BRIP1: variants seen among roughly 807,000 people sequenced by gnomAD.
BRIP1 encodes the protein Fanconi anemia group J protein.
A neutral mutation model predicts 119.7 loss-of-function variants in BRIP1; 88 were observed. That is an observed-to-expected ratio of 0.74 (90% CI 0.62 to 0.88). The LOEUF (loss-of-function observed/expected upper bound fraction) is 0.88, where lower values mean the gene tolerates loss of function less well. Among genes scored for constraint, BRIP1 ranks in the 40% least tolerant of loss-of-function variants. BRIP1 has a pLI of 0.00. For missense variants in BRIP1, 1,259 were observed against 1,455.4 expected (o/e 0.87, Z 2.20); for synonymous variants, 443 against 496.5 (o/e 0.89, Z 1.43).
At chr17:61,764,681 T>C (rs1231399636) in intron 14 of BRIP1, among the ~76,000 whole-genome samples, 2 of 152,170 alleles carry the variant, frequency 1.3e-5, no homozygotes, top group Non-Finnish European at 2.9e-5. Flanking sequence ...AGCTCAAAAA[T>C]TGCTTTAATA....
Position 61,745,216 on chromosome 17 carries a change from A to G in BRIP1, c.2098-625T>C, listed in dbSNP as rs1017928374. Reference sequence around the variant, plus strand: ...ATATGGGCACAAATGGAACATTTACAGCCATGGGCTAGATTACAAAAGGAC... The same window carrying G: ...ATATGGGCACAAATGGAACATTTACGGCCATGGGCTAGATTACAAAAGGAC... On this transcript the variant is annotated intron_variant, in intron 14 of 19. Transcript: ENST00000259008. The surrounding 1 kb of genome is among the most constrained non-coding windows in gnomAD (Gnocchi z 4.4). 6.6e-6 allele frequency among the ~76,000 whole-genome samples: 1 copy of G among 152,246 alleles called. No homozygotes were observed. The highest frequency in any genetic ancestry group is 2.4e-5 in the African/African-American group (1 of 41,452).
rs756747803 is a variant in BRIP1 at position 61,825,557 on chromosome 17, C to A, written c.628-16800G>T. On this transcript the variant is annotated intron_variant, in intron 6 of 19. Coordinates refer to ENST00000259008, the MANE Select transcript of BRIP1 (RefSeq NM_032043.3). The surrounding 1 kb of genome is among the most constrained non-coding windows in gnomAD (Gnocchi z 4.1). Reference sequence around the variant, plus strand: ...TCAATATGCAAAATTTACTGACATTCCAATTCACCATCAACTGTCAAGCTG... The same window carrying A: ...TCAATATGCAAAATTTACTGACATTACAATTCACCATCAACTGTCAAGCTG... Among the ~76,000 whole-genome samples, 25 of 151,578 alleles carry A rather than the reference C, an allele frequency of 1.6e-4. No individual in the cohort carries two copies. Among genetic ancestry groups the A allele is most frequent in the Non-Finnish European group, 3.4e-4 (23 of 67,912 alleles).
intron 14 of BRIP1, among the ~76,000 whole-genome samples, chr17:61,763,325 T>G (rs1399721564): frequency 1.3e-5 from 2 of 152,098 alleles, no homozygotes; most frequent in Non-Finnish European, 2.9e-5. Flanking sequence ...GTTGTGCATG[T>G]GTCGGGTAAA....
chr17:61,853,693 T>C lies in BRIP1; in HGVS notation c.379+3365A>G, dbSNP rs2078855280. On this transcript the variant is annotated intron_variant, in intron 4 of 19. Coordinates refer to ENST00000259008, the MANE Select transcript of BRIP1 (RefSeq NM_032043.3). The surrounding 1 kb of genome is among the most constrained non-coding windows in gnomAD (Gnocchi z 4.3). ...GGTGCTGAACAACTGGATATCCACA[T>C]GCAAAAAAATGAACTTGAATCCATA... 6.6e-6 allele frequency among the ~76,000 whole-genome samples: 1 copy of C among 152,060 alleles called. No individual in the cohort carries two copies. Among genetic ancestry groups the C allele is most frequent in the South Asian group, 2.1e-4 (1 of 4,832 alleles).
rs547982492 is a variant in BRIP1, at chr17:61,825,060, C to A, written c.628-16303G>T. Reference sequence around the variant, plus strand: ...CAACACTTTGGGAGGCTGAGGCAGGCGGATCGCAAGGTCAGGAGATCGAGA... The same window carrying A: ...CAACACTTTGGGAGGCTGAGGCAGGAGGATCGCAAGGTCAGGAGATCGAGA... On this transcript the variant is annotated intron_variant, in intron 6 of 19. Coordinates refer to ENST00000259008, the MANE Select transcript of BRIP1 (RefSeq NM_032043.3). This position sits in a 1 kb window ranked among gnomAD's most constrained non-coding sequence, Gnocchi z 4.1. 6.6e-6 allele frequency among the ~76,000 whole-genome samples: 1 copy of A among 151,912 alleles called. No individual in the cohort carries two copies.
intron 10 of BRIP1, among the ~76,000 whole-genome samples, chr17:61,787,380 A>G (rs1382171686): frequency 2.6e-5 from 2 of 77,288 alleles, no homozygotes; most frequent in Non-Finnish European, 5.0e-5. Context: ...ATAGTTATAT[A>G]CTATATATAG....
rs1427946401 is a variant in BRIP1 at position 61,704,373 on chromosome 17, T to C, written c.2493-10861A>G. Reference sequence around the variant, plus strand: ...AAATTTGTGTTATTTCTTCTTTAAATGTTTGGTAATATTTGCTAGTGAACA... The same window carrying C: ...AAATTTGTGTTATTTCTTCTTTAAACGTTTGGTAATATTTGCTAGTGAACA... On this transcript the variant is annotated intron_variant, in intron 17 of 19. Coordinates refer to ENST00000259008, the MANE Select transcript of BRIP1 (RefSeq NM_032043.3). This position sits in a 1 kb window ranked among gnomAD's most constrained non-coding sequence, Gnocchi z 5.7. 6.6e-6 allele frequency among the ~76,000 whole-genome samples: 1 copy of C among 152,188 alleles called. No homozygotes were observed. The highest frequency in any genetic ancestry group is 2.4e-5 in the African/African-American group (1 of 41,464).
In BRIP1 at chr17:61,753,008, T is replaced by C. The variant is rs1567788790; in HGVS notation, c.2098-8417A>G. On this transcript the variant is annotated intron_variant, in intron 14 of 19. Transcript: ENST00000259008. This position sits in a 1 kb window ranked among gnomAD's most constrained non-coding sequence, Gnocchi z 4.6. Reference sequence around the variant, plus strand: ...TTGAGAGGTGGGGGATTTTAAGAGGTGACAGGGTAACAAGAGTGCTGCCCT... The same window carrying C: ...TTGAGAGGTGGGGGATTTTAAGAGGCGACAGGGTAACAAGAGTGCTGCCCT... 6.6e-6 allele frequency among the ~76,000 whole-genome samples: 1 copy of C among 152,090 alleles called. No homozygotes were observed. Among genetic ancestry groups the C allele is most frequent in the Non-Finnish European group, 1.5e-5 (1 of 68,012 alleles).
Position 61,846,383 on chromosome 17 carries a change from T to C in BRIP1, c.627+718A>G, listed in dbSNP as rs2078732535. 6.6e-6 allele frequency among the ~76,000 whole-genome samples: 1 copy of C among 151,764 alleles called. No homozygotes were observed. Among genetic ancestry groups the C allele is most frequent in the Non-Finnish European group, 1.5e-5 (1 of 67,946 alleles). On this transcript the variant is annotated intron_variant, in intron 6 of 19. Transcript: ENST00000259008. This position sits in a 1 kb window ranked among gnomAD's most constrained non-coding sequence, Gnocchi z 4.3. ...CAAGACAATCCAAAAGGCAATAATG[T>C]ATTTTTTCCTTTTTTTTTTTGAGAC... is the stretch of plus-strand genomic sequence containing the variant.
chr17:61,746,170 ATAGT>A lies in BRIP1; in HGVS notation c.2098-1583_2098-1580del, dbSNP rs2077055130. 6.6e-6 allele frequency among the ~76,000 whole-genome samples: 1 copy of A among 152,196 alleles called. No homozygotes were observed. The highest frequency in any genetic ancestry group is 2.4e-5 in the African/African-American group (1 of 41,476). The stretch of plus-strand genomic sequence containing the variant: ...GACTATAAAACAAAACATTAGTAAA[ATAGT>A]TAACTGCTGTACAATATGCTTTAAT... On this transcript the variant is annotated intron_variant, in intron 14 of 19. Transcript: ENST00000259008. This position sits in a 1 kb window ranked among gnomAD's most constrained non-coding sequence, Gnocchi z 4.9.
rs75313801 is a variant in BRIP1 at position 61,739,987 on chromosome 17, C to T, written c.2379+3026G>A. On this transcript the variant is annotated intron_variant, in intron 16 of 19. Transcript: ENST00000259008. The surrounding 1 kb of genome is among the most constrained non-coding windows in gnomAD (Gnocchi z 6.0). ...GAATATTTCTTCCATTGTAAGTAAT[C>T]GCATAACCGGGCAAAATGGAGCAAT... is the stretch of plus-strand genomic sequence containing the variant. Among the ~76,000 whole-genome samples, 16 of 152,252 alleles carry T rather than the reference C, an allele frequency of 1.1e-4. No homozygotes were observed. Among genetic ancestry groups the T allele is most frequent in the Non-Finnish European group, 2.1e-4 (14 of 68,018 alleles).
rs1335337161 is a variant in BRIP1, at chr17:61,689,160, C to T, written c.2576-2995G>A. ...CCTGATTCAAGCGATTCTCCTGCCT[C>T]GGCCTCTCAAGTAGCTGGGACTACA... On this transcript the variant is annotated intron_variant, in intron 18 of 19. Transcript: ENST00000259008. This position sits in a 1 kb window ranked among gnomAD's most constrained non-coding sequence, Gnocchi z 4.5. Among the ~76,000 whole-genome samples, 3 of 151,232 alleles carry T rather than the reference C, an allele frequency of 2.0e-5. No homozygotes were observed. Among genetic ancestry groups the T allele is most frequent in the Middle Eastern group, 3.2e-3 (1 of 314 alleles).
intron 14 of BRIP1, among the ~76,000 whole-genome samples, chr17:61,773,755 C>G (rs2077493348): frequency 6.6e-6 from 1 of 151,910 alleles, no homozygotes; most frequent in African/African-American, 2.4e-5. Context: ...AACAAACAAC[C>G]CCATCAAAAA....
In BRIP1 at chr17:61,713,737, C is replaced by T. The variant is rs1289157468; in HGVS notation, c.2492+2214G>A. ...GGGTTTCACCACGTTGGCCAGGTTG[C>T]TATCGAACTCCTGACCTTAAGTGAT... On this transcript the variant is annotated intron_variant, in intron 17 of 19. Transcript: ENST00000259008. The surrounding 1 kb of genome is among the most constrained non-coding windows in gnomAD (Gnocchi z 4.9). 6.6e-6 allele frequency among the ~76,000 whole-genome samples: 1 copy of T among 151,872 alleles called. No individual in the cohort carries two copies. Among genetic ancestry groups the T allele is most frequent in the Non-Finnish European group, 1.5e-5 (1 of 67,968 alleles).
At position 61,849,257 on chromosome 17, in the gene BRIP1, C is replaced by T. The variant is rs2145767071; in HGVS notation, c.380-1G>A. 6.2e-7 allele frequency: 1 copy of T among 1,610,278 alleles called. No homozygotes were observed. Among genetic ancestry groups the T allele is most frequent in the Non-Finnish European group, 8.5e-7 (1 of 1,177,964 alleles). On this transcript the variant is annotated splice_acceptor_variant, in intron 4 of 19. Transcript: ENST00000259008. LOFTEE classifies it high-confidence loss of function. ...GCCAGAGTGGTTTTTTCAGGGGAGT[C>T]TTATATAAGTAATTTAAAAAAAACA...
Position 61,709,759 on chromosome 17 carries a change from G to C in BRIP1, c.2492+6192C>G. Reference sequence around the variant, plus strand: ...ACTTTCAGTAAAGCAACAAAGACTAGTTAGAAAACTCATAGTGCAGTTGTA... The same window carrying C: ...ACTTTCAGTAAAGCAACAAAGACTACTTAGAAAACTCATAGTGCAGTTGTA... On this transcript the variant is annotated intron_variant, in intron 17 of 19. Transcript: ENST00000259008. This position sits in a 1 kb window ranked among gnomAD's most constrained non-coding sequence, Gnocchi z 5.0. Among the ~76,000 whole-genome samples, 1 of 152,152 alleles carries C rather than the reference G, an allele frequency of 6.6e-6. No individual in the cohort carries two copies. The highest frequency in any genetic ancestry group is 1.9e-4 in the East Asian group (1 of 5,196).
At position 61,804,837 on chromosome 17, in the gene BRIP1, T is replaced by G. The variant is rs144835693; in HGVS notation, c.919-3363A>C. Among the ~76,000 whole-genome samples the G allele has an allele frequency of 6.9e-3, 1,053 of 152,132 alleles. 4 individuals carry two copies. The highest frequency in any genetic ancestry group is 0.027 in the Middle Eastern group (8 of 294). On this transcript the variant is annotated intron_variant, in intron 7 of 19. Coordinates refer to ENST00000259008, the MANE Select transcript of BRIP1 (RefSeq NM_032043.3). The surrounding 1 kb of genome is among the most constrained non-coding windows in gnomAD (Gnocchi z 4.5). ...TCTTCTTTTAGGTTATCTACTAATGTCCTTTGCCATTGTATTACTGGAAAT... is the reference window on the plus strand; with the variant it reads ...TCTTCTTTTAGGTTATCTACTAATGGCCTTTGCCATTGTATTACTGGAAAT...
chr17:61,723,426 G>A (rs7220688), intron 16 of BRIP1, among the ~76,000 whole-genome samples: 3 of 152,054 alleles, frequency 2.0e-5, no homozygotes, highest in Non-Finnish European at 4.4e-5. Context: ...CTGCCATCTT[G>A]TAACTGTCAA....
At chr17:61,763,806 T>C (rs886690908) in intron 14 of BRIP1, among the ~76,000 whole-genome samples, 2 of 152,238 alleles carry the variant, frequency 1.3e-5, no homozygotes, top group Admixed American at 6.5e-5. Context: ...TGGGTGAAAC[T>C]CTTAAAATGT....
Sources: allele counts gnomAD v4.1 joint callset (sites outside exome capture counted in the v4.1 genomes callset), GRCh38; gene constraint gnomAD v4.1.1; non-coding constraint Gnocchi (gnomAD v3.1); transcripts MANE v1.5; gene names NCBI Gene and HGNC (gene_info 2026-07-23, HGNC 2026-07-21).